SMYD3: variants seen among roughly 807,000 people sequenced by gnomAD.
SMYD3 encodes the protein SET and MYND domain containing 3, also known as histone-lysine N-methyltransferase SMYD3.
Under a neutral mutation model 57.7 loss-of-function variants are expected in SMYD3, and 36 were observed. That is an observed-to-expected ratio of 0.62 (90% CI 0.48 to 0.82). SMYD3 has a LOEUF of 0.82. Ranked by LOEUF, SMYD3 falls within the 40% of genes least tolerant of loss-of-function variation. The pLI is 0.00. For missense variants in SMYD3, 515 were observed against 538.8 expected (o/e 0.96, Z 0.44); for synonymous variants, 211 against 195.0 (o/e 1.08, Z -0.68).
chr1:246,234,979 C>A (rs936954258), intron 5 of SMYD3, among the ~76,000 whole-genome samples: 2 of 152,106 alleles, frequency 1.3e-5, no homozygotes, highest in East Asian at 3.9e-4. Context: ...TGTGAAAATG[C>A]ACAGATTACT....
chr1:245,807,730 G>A (rs183680919), intron 10 of SMYD3, among the ~76,000 whole-genome samples: 47 of 151,660 alleles, frequency 3.1e-4, no homozygotes, highest in Non-Finnish European at 5.6e-4. Context: ...ATCAAGTGAC[G>A]GCACCTGATC....
intron 5 of SMYD3, among the ~76,000 whole-genome samples, chr1:246,108,935 C>G (rs2061179261): frequency 6.6e-6 from 1 of 152,190 alleles, no homozygotes; most frequent in Non-Finnish European, 1.5e-5. Context: ...TCTCTTCCTT[C>G]TAATGCACCA....
At chr1:246,426,444 C>T (rs2067219576) in intron 1 of SMYD3, among the ~76,000 whole-genome samples, 1 of 152,158 alleles carries the variant, frequency 6.6e-6, no homozygotes, top group African/African-American at 2.4e-5. Flanking sequence ...CCCTACACAG[C>T]CACTAATCTA....
intron 1 of SMYD3, among the ~76,000 whole-genome samples, chr1:246,470,258 G>A (rs925752213): frequency 4.6e-5 from 7 of 151,992 alleles, no homozygotes; most frequent in East Asian, 1.9e-4. Context: ...TTGGGAGGTC[G>A]AGGCGGGAGG....
Position 246,254,238 on chromosome 1 carries a change from G to A in SMYD3, c.531+72963C>T, listed in dbSNP as rs528007720. 9.9e-5 allele frequency among the ~76,000 whole-genome samples: 15 copies of A among 152,274 alleles called. No homozygotes were observed. The South Asian group carries it at 1.5e-3, about 15-fold the overall frequency. ...AATTATTTGCCAAAGTCTATGTCCA[G>A]AATGGTGTTTCCTAGCTTCTTATAG... On this transcript the variant is annotated intron_variant, in intron 5 of 11. Coordinates refer to ENST00000490107, the MANE Select transcript of SMYD3 (RefSeq NM_001167740.2).
At chr1:246,361,141 G>A (rs891562274) in intron 1 of SMYD3, among the ~76,000 whole-genome samples, 5 of 152,088 alleles carry the variant, frequency 3.3e-5, no homozygotes, top group African/African-American at 1.2e-4. Context: ...CTAAAGACAT[G>A]GACAGACAAT....
chr1:245,790,984 T>G (rs1205136585), intron 10 of SMYD3, among the ~76,000 whole-genome samples: 3 of 152,226 alleles, frequency 2.0e-5, no homozygotes, highest in Non-Finnish European at 2.9e-5. Context: ...GACCCTTTTT[T>G]GTGACTGTGG....
At chr1:245,816,517 T>TAAAAA (rs35612835) in intron 10 of SMYD3, among the ~76,000 whole-genome samples, 29 of 100,194 alleles carry the variant, frequency 2.9e-4, no homozygotes, top group Non-Finnish European at 4.2e-4. Context: ...TTCATCTATG[T>TAAAAA]AAAAAAAAAA....
chr1:246,449,124 G>A (rs986289678), intron 1 of SMYD3, among the ~76,000 whole-genome samples: 1 of 152,134 alleles, frequency 6.6e-6, no homozygotes, highest in Non-Finnish European at 1.5e-5. Context: ...CAGCTACTCA[G>A]GGGGGACTGA....
intron 10 of SMYD3, among the ~76,000 whole-genome samples, chr1:245,801,453 C>T (rs1390717275): frequency 6.6e-6 from 1 of 152,178 alleles, no homozygotes; most frequent in Non-Finnish European, 1.5e-5. Flanking sequence ...TTCAGGCATT[C>T]AAGTCTAAGT....
chr1:246,387,398 G>T (rs1047458800), intron 1 of SMYD3, among the ~76,000 whole-genome samples: 4 of 152,184 alleles, frequency 2.6e-5, no homozygotes, highest in African/African-American at 9.6e-5. Flanking sequence ...CTCACAGTTG[G>T]CCCTCAACGG....
intron 10 of SMYD3, among the ~76,000 whole-genome samples, chr1:245,783,367 T>C (rs2046909501): frequency 1.3e-5 from 2 of 152,164 alleles, no homozygotes; most frequent in African/African-American, 4.8e-5. Context: ...AGCATATCCA[T>C]CTGTTGTCCA....
chr1:246,365,708 G>A (rs908924524), intron 1 of SMYD3, among the ~76,000 whole-genome samples: 1 of 151,952 alleles, frequency 6.6e-6, no homozygotes, highest in Non-Finnish European at 1.5e-5. Flanking sequence ...ATGACTGGGT[G>A]GAAAAAACTA....
chr1:245,998,263 C>A (rs547340267), intron 5 of SMYD3, among the ~76,000 whole-genome samples: 1 of 152,302 alleles, frequency 6.6e-6, no homozygotes, highest in South Asian at 2.1e-4. Context: ...AGATCTTTAA[C>A]CCTGGGTAAA....
At chr1:245,789,954 A>G (rs1193050551) in intron 10 of SMYD3, among the ~76,000 whole-genome samples, 3 of 152,196 alleles carry the variant, frequency 2.0e-5, no homozygotes, top group South Asian at 2.1e-4. Context: ...CACATTACAG[A>G]TTCCACATTT....
intron 5 of SMYD3, among the ~76,000 whole-genome samples, chr1:245,967,284 T>C (rs1436765179): frequency 6.6e-6 from 1 of 152,228 alleles, no homozygotes; most frequent in Non-Finnish European, 1.5e-5. Context: ...TTTGACTGAA[T>C]GTTTCAAAAA....
chr1:245,950,625 C>T (rs767295220), intron 5 of SMYD3, among the ~76,000 whole-genome samples: 37 of 152,124 alleles, frequency 2.4e-4, no homozygotes, highest in Non-Finnish European at 4.7e-4. Flanking sequence ...CATTCCGAGT[C>T]GGTCGTCATA....
chr1:246,105,520 A>C (rs2061101992), intron 5 of SMYD3, among the ~76,000 whole-genome samples: 1 of 152,164 alleles, frequency 6.6e-6, no homozygotes, highest in South Asian at 2.1e-4. Flanking sequence ...TCCAAGTGAA[A>C]GGCCCTGTGC....
At chr1:246,085,456 C>A (rs945110887) in intron 5 of SMYD3, among the ~76,000 whole-genome samples, 1 of 152,114 alleles carries the variant, frequency 6.6e-6, no homozygotes, top group Admixed American at 6.6e-5. Flanking sequence ...ATCTTTCCTA[C>A]GTTTTATGAC....
Sources: gnomAD v4.1 joint callset for allele counts (sites outside exome capture counted in the v4.1 genomes callset) on GRCh38, gnomAD v4.1.1 for gene constraint, MANE v1.5 for transcripts, NCBI Gene and HGNC (gene_info 2026-07-23, HGNC 2026-07-21) for gene names.